DLG2: variants seen among roughly 807,000 people sequenced by gnomAD.
The protein encoded by DLG2 is disks large homolog 2.
Under a neutral mutation model 132.5 loss-of-function variants are expected in DLG2, and 45 were observed. The ratio of observed to expected loss-of-function variants is 0.34; its 90% CI spans 0.27 to 0.44. The LOEUF (loss-of-function observed/expected upper bound fraction) is 0.44. DLG2 is among the 20% of genes least tolerant of loss of function. The probability of loss-of-function intolerance (pLI) is 1.00; values close to 1 mark genes in which losing one functional copy is unlikely to be tolerated. For missense variants in DLG2, 1,045 were observed against 1,196.9 expected, an observed-to-expected ratio of 0.87 and a Z score of 1.87; for synonymous variants, 424 against 419.6, an observed-to-expected ratio of 1.01 and a Z score of -0.13.
intron 7 of DLG2, among the ~76,000 whole-genome samples, chr11:84,404,854 C>A (rs1035547752): frequency 1.3e-5 from 2 of 152,114 alleles, no homozygotes; most frequent in African/African-American, 4.8e-5. Flanking sequence ...ATCCTCATGC[C>A]TTTTAGGATA....
intron 21 of DLG2, among the ~76,000 whole-genome samples, chr11:83,511,382 C>T (rs546044068): frequency 7.9e-5 from 12 of 152,096 alleles, no homozygotes; most frequent in Admixed American, 3.9e-4. Context: ...AAAATTGTGT[C>T]TAATAAATGA....
intron 9 of DLG2, among the ~76,000 whole-genome samples, chr11:84,105,355 C>T (rs1212735940): frequency 6.6e-6 from 1 of 152,070 alleles, no homozygotes; most frequent in Non-Finnish European, 1.5e-5. Context: ...CATCATCTGT[C>T]AAATGGAGAT....
At chr11:85,434,134 A>G (rs897126385) in intron 3 of DLG2, among the ~76,000 whole-genome samples, 2 of 152,166 alleles carry the variant, frequency 1.3e-5, no homozygotes, top group African/African-American at 4.8e-5. Flanking sequence ...ATGGAAAAAA[A>G]AGAAAACATA....
At chr11:83,991,481 T>C (rs1054848900) in intron 11 of DLG2, among the ~76,000 whole-genome samples, 5 of 152,222 alleles carry the variant, frequency 3.3e-5, no homozygotes, top group Non-Finnish European at 7.3e-5. Context: ...TTATTTCTCT[T>C]TTGTAAAATG....
chr11:83,817,125 C>A (rs1275086923), intron 17 of DLG2, among the ~76,000 whole-genome samples: 1 of 152,038 alleles, frequency 6.6e-6, no homozygotes. Flanking sequence ...ATTGTCCTGG[C>A]TTACAATAGA....
chr11:83,999,485 T>A (rs2094223427), intron 11 of DLG2, among the ~76,000 whole-genome samples: 1 of 152,036 alleles, frequency 6.6e-6, no homozygotes, highest in African/African-American at 2.4e-5. Context: ...AGGGGCCTAA[T>A]AACCTGCCCA....
intron 19 of DLG2, among the ~76,000 whole-genome samples, chr11:83,603,697 C>T (rs1451142486): frequency 6.6e-6 from 1 of 152,062 alleles, no homozygotes; most frequent in Non-Finnish European, 1.5e-5. Context: ...GTGAGTGGTG[C>T]CTTATTGCAG....
At chr11:83,994,775 G>A (rs1266980842) in intron 11 of DLG2, among the ~76,000 whole-genome samples, 1 of 152,062 alleles carries the variant, frequency 6.6e-6, no homozygotes, top group African/African-American at 2.4e-5. Context: ...TCAAAGTTCT[G>A]CAGGCTAGAA....
At chr11:84,776,516 C>A (rs1488166660) in intron 6 of DLG2, among the ~76,000 whole-genome samples, 1 of 152,118 alleles carries the variant, frequency 6.6e-6, no homozygotes, top group African/African-American at 2.4e-5. Context: ...CGAGATAGAA[C>A]ATTTACCTCA....
At chr11:84,498,584 A>G (rs1203668781) in intron 7 of DLG2, among the ~76,000 whole-genome samples, 1 of 152,126 alleles carries the variant, frequency 6.6e-6, no homozygotes, top group Admixed American at 6.6e-5. Context: ...CAAAACAAAA[A>G]CACTGGGTGT....
At chr11:84,534,227 G>A (rs529098219) in intron 7 of DLG2, among the ~76,000 whole-genome samples, 3 of 152,160 alleles carry the variant, frequency 2.0e-5, no homozygotes, top group Non-Finnish European at 2.9e-5. Flanking sequence ...GTTGGACCAC[G>A]AGTACTGACA....
chr11:85,366,829 T>C (rs544640635), intron 3 of DLG2, among the ~76,000 whole-genome samples: 2 of 152,252 alleles, frequency 1.3e-5, no homozygotes, highest in African/African-American at 4.8e-5. Flanking sequence ...ATACTATTAA[T>C]CTTATAAGCT....
intron 3 of DLG2, chr11:85,453,045 T>G (rs1311788359): frequency 5.3e-6 from 1 of 189,446 alleles, no homozygotes; most frequent in African/African-American, 2.4e-5. Flanking sequence ...CCCCGGCTTT[T>G]CACCAAACAC....
At chr11:84,266,793 G>T (rs1167020898) in intron 7 of DLG2, among the ~76,000 whole-genome samples, 1 of 152,166 alleles carries the variant, frequency 6.6e-6, no homozygotes, top group Non-Finnish European at 1.5e-5. Flanking sequence ...TTTATCTGAG[G>T]CAAGAAGGAT....
chr11:83,850,280 A>C (rs915791272), intron 16 of DLG2, among the ~76,000 whole-genome samples: 4 of 151,880 alleles, frequency 2.6e-5, no homozygotes, highest in African/African-American at 9.7e-5. Context: ...CAGCCTCCCA[A>C]GTAGCTGGGA....
intron 3 of DLG2, among the ~76,000 whole-genome samples, chr11:85,550,071 C>T (rs1045667833): frequency 4.6e-5 from 7 of 152,320 alleles, no homozygotes; most frequent in Admixed American, 3.3e-4. Context: ...TCTTAATAAA[C>T]TTGCTTTCAT....
At chr11:84,698,268 A>T (rs2058831201) in intron 6 of DLG2, among the ~76,000 whole-genome samples, 1 of 151,532 alleles carries the variant, frequency 6.6e-6, no homozygotes. Flanking sequence ...TCTTTCACAT[A>T]CAAAATTATC....
At chr11:84,725,762 C>A (rs2062372715) in intron 6 of DLG2, among the ~76,000 whole-genome samples, 1 of 151,790 alleles carries the variant, frequency 6.6e-6, no homozygotes, top group South Asian at 2.1e-4. Flanking sequence ...AATGAGATAA[C>A]ATATTGCAAA....
intron 6 of DLG2, among the ~76,000 whole-genome samples, chr11:84,929,224 C>A (rs148999288): frequency 0.017 from 2,569 of 151,248 alleles, 42 homozygotes; most frequent in Admixed American, 0.04. Flanking sequence ...AATACTAAGT[C>A]TTTTAATTGT....
Sources: gnomAD v4.1 joint callset for allele counts (sites outside exome capture counted in the v4.1 genomes callset) on GRCh38, gnomAD v4.1.1 for gene constraint, MANE v1.5 for transcripts, NCBI Gene and HGNC (gene_info 2026-07-23, HGNC 2026-07-21) for gene names.